GNA12: variants seen among roughly 807,000 people sequenced by gnomAD.
GNA12 encodes the protein G protein subunit alpha 12.
In GNA12, 9 loss-of-function variants were observed where a neutral mutation model predicts 26.0. The ratio of observed to expected loss-of-function variants is 0.35; its 90% confidence interval spans 0.21 to 0.60. The LOEUF is 0.60. GNA12 is among the 20% of genes least tolerant of loss of function. The probability of loss-of-function intolerance (pLI) is 0.78; values close to 1 mark genes in which losing one functional copy is unlikely to be tolerated. For synonymous variants in GNA12, 264 were observed against 219.6 expected (o/e 1.20, Z -1.79); for missense variants, 405 against 525.8 (o/e 0.77, Z 2.25).
chr7:2,783,788 G>A (rs1156598452), intron 2 of GNA12, among the ~76,000 whole-genome samples: 1 of 151,884 alleles, frequency 6.6e-6, no homozygotes. Flanking sequence ...GGATTCAAGC[G>A]ATTCTCTTGC....
chr7:2,732,153 T>G (rs773933350), intron 3 of GNA12, among the ~76,000 whole-genome samples: 8 of 152,260 alleles, frequency 5.3e-5, no homozygotes, highest in African/African-American at 1.2e-4. Context: ...GAATGTGATG[T>G]AAATTCAATC....
intron 2 of GNA12, chr7:2,762,855 G>A: frequency 6.8e-7 from 1 of 1,479,766 alleles, no homozygotes; most frequent in Non-Finnish European, 9.0e-7. Context: ...CGAAGCAGGA[G>A]AGGGCCAGCT....
At chr7:2,811,266 T>G (rs1793074866) in intron 1 of GNA12, among the ~76,000 whole-genome samples, 1 of 152,146 alleles carries the variant, frequency 6.6e-6, no homozygotes, top group Non-Finnish European at 1.5e-5. Context: ...TGGCCCTCTG[T>G]GCACAACCAG....
rs114652876 is a variant in GNA12, at chr7:2,819,891, A to G, written c.309+23962T>C. Among the ~76,000 whole-genome samples the G allele has an allele frequency of 4.6e-3, 703 of 152,364 alleles. 8 individuals carry two copies. Among genetic ancestry groups the G allele is most frequent in the African/African-American group, 0.016 (663 of 41,586 alleles). Reference sequence around the variant, plus strand: ...AATTCCACTCCTAGGAATACACCCAAGAGAAAACATGTTCACACCAAAACC... The same window carrying G: ...AATTCCACTCCTAGGAATACACCCAGGAGAAAACATGTTCACACCAAAACC... On this transcript the variant is annotated intron_variant, in intron 1 of 3. Transcript: ENST00000275364.
chr7:2,814,944 A>AATAC, intron 1 of GNA12: 1 of 1,578,098 alleles, frequency 6.3e-7, no homozygotes, highest in South Asian at 1.2e-5. Context: ...AAATGCCTAC[A>AATAC]ATACAGTAGG....
chr7:2,789,132 C>CTTTTTTTTTTTTTT lies in GNA12; in HGVS notation c.525+5782_525+5795dup, dbSNP rs71026556. Among the ~76,000 whole-genome samples, 8 of 72,832 alleles carry CTTTTTTTTTTTTTT rather than the reference C, an allele frequency of 1.1e-4. 1 individual carries two copies. Among genetic ancestry groups the CTTTTTTTTTTTTTT allele is most frequent in the African/African-American group, 3.0e-4 (6 of 20,076 alleles). The allele number at this position is 72,832 out of a possible 152,430, so 47.8% of individuals were successfully genotyped here. ...ACCGTGCCCGGACCCCTTCAGGCAT[C>CTTTTTTTTTTTTTT]TTTTTTTTTTTTTTTTTTTTTGAGA... On this transcript the variant is annotated intron_variant, in intron 2 of 3. Transcript: ENST00000275364.
rs901932320 is a variant in GNA12 at position 2,832,459 on chromosome 7, G to A, written c.309+11394C>T. On this transcript the variant is annotated intron_variant, in intron 1 of 3. Transcript: ENST00000275364. ...TGACTGCCCCAAACAGGCACTCGAG[G>A]GCTGCGAGGAGTCCACGCCATGCAC... Among the ~76,000 whole-genome samples, 11 of 152,176 alleles carry A rather than the reference G, an allele frequency of 7.2e-5. 1 individual carries two copies. Among genetic ancestry groups the A allele is most frequent in the African/African-American group, 2.7e-4 (11 of 41,438 alleles).
chr7:2,818,011 C>T (rs1445778362), intron 1 of GNA12, among the ~76,000 whole-genome samples: 1 of 152,200 alleles, frequency 6.6e-6, no homozygotes. Context: ...TACTAGCACA[C>T]TGTAAGATTG....
chr7:2,839,235 ATCTTT>A (rs1778921806), intron 1 of GNA12, among the ~76,000 whole-genome samples: 2 of 143,470 alleles, frequency 1.4e-5, no homozygotes, highest in South Asian at 2.1e-4. Flanking sequence ...CAACAGGAAA[ATCTTT>A]TCTTTTTTTT....
chr7:2,817,128 C>T (rs1793235386), intron 1 of GNA12, among the ~76,000 whole-genome samples: 1 of 152,230 alleles, frequency 6.6e-6, no homozygotes, highest in Non-Finnish European at 1.5e-5. Context: ...ATTTTTGAGA[C>T]AGAGTCTCGC....
chr7:2,802,813 C>T lies in GNA12; in HGVS notation c.310-7670G>A, dbSNP rs548090172. On this transcript the variant is annotated intron_variant, in intron 1 of 3. Coordinates refer to ENST00000275364, the MANE Select transcript of GNA12 (RefSeq NM_007353.3). ...AATCCAGCAAACAAAGACAGCGCCT[C>T]TTAGTTCCTCTCGAAAACTGAAGTG... Among the ~76,000 whole-genome samples, 4 of 152,326 alleles carry T rather than the reference C, an allele frequency of 2.6e-5. No individual in the cohort carries two copies. The South Asian group carries it at 6.2e-4, about 24-fold the overall frequency.
At chr7:2,752,759 T>C (rs538970650) in intron 2 of GNA12, among the ~76,000 whole-genome samples, 20 of 152,324 alleles carry the variant, frequency 1.3e-4, no homozygotes, top group South Asian at 4.1e-4. Flanking sequence ...GAAATAATTA[T>C]AGATGCATAG....
At chr7:2,819,427 A>T (rs2644296) in intron 1 of GNA12, among the ~76,000 whole-genome samples, 61,559 of 152,078 alleles carry the variant, frequency 0.4, 12,731 homozygotes, top group Admixed American at 0.46. Flanking sequence ...AAATGTTTTA[A>T]GTCCCGAAGC....
chr7:2,746,997 T>C (rs1281594764), intron 2 of GNA12, among the ~76,000 whole-genome samples: 1 of 151,530 alleles, frequency 6.6e-6, no homozygotes, highest in Non-Finnish European at 1.5e-5. Flanking sequence ...AATAGACCAA[T>C]AACAGGCTCT....
intron 1 of GNA12, among the ~76,000 whole-genome samples, chr7:2,805,380 T>G (rs947038738): frequency 2.0e-5 from 3 of 152,250 alleles, no homozygotes; most frequent in African/African-American, 4.8e-5. Flanking sequence ...TTATCAAGCC[T>G]GACCGATTTA....
At chr7:2,769,254 G>C (rs1321861570) in intron 2 of GNA12, among the ~76,000 whole-genome samples, 1 of 152,102 alleles carries the variant, frequency 6.6e-6, no homozygotes, top group Non-Finnish European at 1.5e-5. Context: ...TAGCCATCTG[G>C]TATTCTACTT....
At chr7:2,835,826 A>G in intron 1 of GNA12, 1 of 646,318 alleles carries the variant, frequency 1.5e-6, no homozygotes, top group Non-Finnish European at 3.0e-6. Context: ...ATGATGCCTT[A>G]TCAAATCGGT....
intron 1 of GNA12, among the ~76,000 whole-genome samples, chr7:2,832,164 C>T (rs965635906): frequency 1.3e-5 from 2 of 152,180 alleles, no homozygotes; most frequent in African/African-American, 2.4e-5. Flanking sequence ...TATGGACAGT[C>T]GAAAGGCCTC....
At chr7:2,804,493 T>C (rs1036745097) in intron 1 of GNA12, among the ~76,000 whole-genome samples, 2 of 152,186 alleles carry the variant, frequency 1.3e-5, no homozygotes, top group African/African-American at 4.8e-5. Flanking sequence ...AGGCTGGCTT[T>C]CCTTGGTCCC....
Sources: gnomAD v4.1 joint callset for allele counts (sites outside exome capture counted in the v4.1 genomes callset) on GRCh38, gnomAD v4.1.1 for gene constraint, MANE v1.5 for transcripts, NCBI Gene and HGNC (gene_info 2026-07-23, HGNC 2026-07-21) for gene names.